Variants in ASTN2 observed in about 807,000 individuals in gnomAD.
ASTN2 encodes astrotactin-2.
Under a neutral mutation model 139.8 loss-of-function variants are expected in ASTN2, and 54 were observed. The ratio of observed to expected loss-of-function variants is 0.39; its 90% CI spans 0.31 to 0.48. The LOEUF (loss-of-function observed/expected upper bound fraction) is 0.48, where lower values mean the gene tolerates loss of function less well. ASTN2 is among the 20% of genes least tolerant of loss of function. The probability of loss-of-function intolerance (pLI) is 0.95; values close to 1 mark genes in which losing one functional copy is unlikely to be tolerated. For synonymous variants in ASTN2, 756 were observed against 719.5 expected (o/e 1.05, Z -0.81); for missense variants, 1,565 against 1,725.1 (o/e 0.91, Z 1.64).
intron 19 of ASTN2, among the ~76,000 whole-genome samples, chr9:116,535,744 TC>T (rs1311724464): frequency 6.6e-6 from 1 of 152,216 alleles, no homozygotes; most frequent in Non-Finnish European, 1.5e-5. Context: ...CTGATGGGCT[TC>T]CCTTTGTTGG....
Position 116,651,725 on chromosome 9 carries a change from G to C in ASTN2, c.2875C>G (p.Leu959Val), listed in dbSNP as rs762499112. ...TCATCTGACAGCATCTGGGCTGTCA[G>C]CAAACCTGAGAGGTAGGTGATGAAG... ...MPFITYLSGL[L>V]TAQMLSDDQL... is the part of the protein sequence containing the mutation. Residue 959 changes from leucine to valine, a missense_variant, in exon 17 of 23, where the codon CTG (leucine) becomes GTG (valine). Around this residue, in one of 4 missense-constraint regions of ASTN2, gnomAD observed 48 missense variants for 90.7 expected, o/e 0.53. Transcript: ENST00000313400. 6.2e-7 allele frequency: 1 copy of C among 1,614,146 alleles called. No individual in the cohort carries two copies. Among genetic ancestry groups the C allele is most frequent in the African/African-American group, 1.3e-5 (1 of 75,054 alleles).
At chr9:116,587,500 C>G (rs1027164317) in intron 19 of ASTN2, among the ~76,000 whole-genome samples, 1 of 151,962 alleles carries the variant, frequency 6.6e-6, no homozygotes, top group Non-Finnish European at 1.5e-5. Context: ...TGGTAGTGAG[C>G]CATGTGATTT....
intron 1 of ASTN2, among the ~76,000 whole-genome samples, chr9:117,376,478 T>C (rs1830127193): frequency 6.6e-6 from 1 of 152,220 alleles, no homozygotes; most frequent in African/African-American, 2.4e-5. Context: ...TCTGGGTTGA[T>C]GGGAGTAGTT....
chr9:116,494,427 T>C (rs1849610910), intron 19 of ASTN2, among the ~76,000 whole-genome samples: 2 of 152,188 alleles, frequency 1.3e-5, no homozygotes, highest in Non-Finnish European at 2.9e-5. Flanking sequence ...ATTTGTCTGA[T>C]GGCAAAATTT....
intron 7 of ASTN2, among the ~76,000 whole-genome samples, chr9:116,988,246 T>C (rs1836740994): frequency 6.6e-6 from 1 of 152,180 alleles, no homozygotes; most frequent in Non-Finnish European, 1.5e-5. Context: ...AATAGCTCAG[T>C]GACTTTGTAA....
At chr9:117,230,871 T>A (rs1241111987) in intron 2 of ASTN2, among the ~76,000 whole-genome samples, 1 of 152,070 alleles carries the variant, frequency 6.6e-6, no homozygotes, top group Non-Finnish European at 1.5e-5. Flanking sequence ...ATACAATAAA[T>A]CCTTTCTGAC....
chr9:117,115,035 C>G (rs1829343824), intron 4 of ASTN2, among the ~76,000 whole-genome samples: 1 of 152,184 alleles, frequency 6.6e-6, no homozygotes, highest in African/African-American at 2.4e-5. Flanking sequence ...GAAGCAAGAA[C>G]TGCCCAGCCA....
chr9:116,650,609 G>C (rs1857853729), intron 17 of ASTN2, among the ~76,000 whole-genome samples: 1 of 152,148 alleles, frequency 6.6e-6, no homozygotes, highest in Non-Finnish European at 1.5e-5. Flanking sequence ...TCACAGATCT[G>C]GAGGGCAGAG....
chr9:116,546,965 A>T (rs886838485), intron 19 of ASTN2, among the ~76,000 whole-genome samples: 2 of 152,200 alleles, frequency 1.3e-5, no homozygotes, highest in African/African-American at 2.4e-5. Flanking sequence ...GTCTGCAGGC[A>T]CGCCGGCTGG....
At chr9:117,315,966 T>G (rs577204253) in intron 1 of ASTN2, among the ~76,000 whole-genome samples, 2 of 152,326 alleles carry the variant, frequency 1.3e-5, no homozygotes, top group African/African-American at 4.8e-5. Flanking sequence ...GCTCGCCATG[T>G]GCCAAGCACT....
chr9:116,476,759 G>A (rs73655129), intron 20 of ASTN2, among the ~76,000 whole-genome samples: 5,867 of 152,196 alleles, frequency 0.039, 365 homozygotes, highest in African/African-American at 0.14. Flanking sequence ...AGCAACACTC[G>A]CTGGTCCCCA....
chr9:116,747,779 A>G (rs1376066756), intron 13 of ASTN2, among the ~76,000 whole-genome samples: 3 of 152,040 alleles, frequency 2.0e-5, no homozygotes, highest in Non-Finnish European at 4.4e-5. Flanking sequence ...TGGGTTACAC[A>G]AAGCACATGT....
chr9:116,863,363 A>G (rs2132340677), intron 11 of ASTN2, among the ~76,000 whole-genome samples: 1 of 152,356 alleles, frequency 6.6e-6, no homozygotes, highest in East Asian at 1.9e-4. Context: ...AAGTTATAAT[A>G]TCTTGTTTCA....
intron 16 of ASTN2, among the ~76,000 whole-genome samples, chr9:116,665,665 A>G (rs1858818907): frequency 6.6e-6 from 1 of 152,216 alleles, no homozygotes; most frequent in Non-Finnish European, 1.5e-5. Flanking sequence ...TGTTGTAACA[A>G]AAAACAAGGT....
chr9:116,727,891 C>T (rs1157558697), intron 15 of ASTN2, among the ~76,000 whole-genome samples: 2 of 152,170 alleles, frequency 1.3e-5, no homozygotes, highest in Non-Finnish European at 2.9e-5. Flanking sequence ...AAATGCTTAA[C>T]AGATGTCAGC....
At chr9:117,140,693 G>T (rs765043454) in intron 4 of ASTN2, among the ~76,000 whole-genome samples, 25 of 151,890 alleles carry the variant, frequency 1.6e-4, no homozygotes, top group Non-Finnish European at 2.4e-4. Flanking sequence ...AGGAGAAGGA[G>T]AAGAAGCAGC....
chr9:116,667,506 GACA>G (rs1191029750), intron 16 of ASTN2, among the ~76,000 whole-genome samples: 1 of 152,110 alleles, frequency 6.6e-6, no homozygotes, highest in Admixed American at 6.6e-5. Flanking sequence ...GCAAAATATT[GACA>G]ACAATTATTG....
intron 6 of ASTN2, among the ~76,000 whole-genome samples, chr9:117,017,354 G>A (rs1424413159): frequency 6.6e-6 from 1 of 152,086 alleles, no homozygotes; most frequent in Non-Finnish European, 1.5e-5. Flanking sequence ...TGTGCTGTTT[G>A]AATGAACATG....
At chr9:116,525,009 G>A (rs1474702382) in intron 19 of ASTN2, among the ~76,000 whole-genome samples, 1 of 152,316 alleles carries the variant, frequency 6.6e-6, no homozygotes. Flanking sequence ...GGGCACAGAA[G>A]AAGACAGGGA....
Sources: allele counts gnomAD v4.1 joint callset (sites outside exome capture counted in the v4.1 genomes callset), GRCh38; gene constraint gnomAD v4.1.1; regional missense constraint gnomAD v4.1.1; transcripts MANE v1.5; gene names NCBI Gene and HGNC (gene_info 2026-07-23, HGNC 2026-07-21).